Variants in C12orf76 observed in about 807,000 individuals in gnomAD.
The protein encoded by C12orf76 is uncharacterized protein C12orf76.
In C12orf76, 6 loss-of-function variants were observed where a neutral mutation model predicts 6.8. That is an observed-to-expected ratio of 0.88 (90% CI 0.48 to 1.73). The LOEUF is 1.73. C12orf76 is among the 40% of genes most tolerant of loss of function. The pLI, the probability that C12orf76 is intolerant of heterozygous loss-of-function variation, is 0.01. For synonymous variants in C12orf76, 56 were observed against 43.7 expected (o/e 1.28, Z -1.11); for missense variants, 99 against 98.2 (o/e 1.01, Z -0.03).
intron 3 of C12orf76, chr12:110,057,331 T>C (rs748968615): frequency 2.8e-6 from 4 of 1,442,296 alleles, no homozygotes; most frequent in Non-Finnish European, 2.9e-6. Flanking sequence ...ACCAAAGGGC[T>C]GAGCCTCCAA....
chr12:110,042,420 A>G lies in C12orf76; in HGVS notation c.173T>C (p.Val58Ala). The stretch of plus-strand genomic sequence containing the variant: ...GTAGACACAAAATGCCATAAGGATG[A>G]CAGTCACCAGCAGGATGCTGAAAAT... ...GTIFSILLVT[V>A]ILMAFCVYKP... The change falls in exon 2 of 2, where the codon GTC (valine) becomes GCC (alanine). Residue 58 changes from valine to alanine, a missense_variant. Val to Ala is a moderately conservative substitution (Grantham distance 64). Coordinates refer to ENST00000615315, the MANE Select transcript of C12orf76 (RefSeq NM_001389625.1). The G allele has an allele frequency of 6.2e-7, 1 of 1,614,176 alleles. No individual in the cohort carries two copies. Among genetic ancestry groups the G allele is most frequent in the African/African-American group, 1.3e-5 (1 of 75,068 alleles).
intron 2 of C12orf76, among the ~76,000 whole-genome samples, chr12:110,065,676 C>T (rs918905430): frequency 2.0e-5 from 3 of 152,138 alleles, no homozygotes; most frequent in South Asian, 2.1e-4. Flanking sequence ...GGTCCCTCAC[C>T]GTCATTCTGG....
upstream of C12orf76, among the ~76,000 whole-genome samples, chr12:110,068,255 A>AGAG (rs1491302034): frequency 7.2e-3 from 465 of 64,628 alleles, 10 homozygotes; most frequent in Non-Finnish European, 0.011. Flanking sequence ...AGAAAGAAGA[A>AGAG]GAAGAAGAAG....
chr12:110,067,887 G>C (rs1377769727), upstream of C12orf76, among the ~76,000 whole-genome samples: 1 of 151,740 alleles, frequency 6.6e-6, no homozygotes, highest in Non-Finnish European at 1.5e-5. Flanking sequence ...GAGAATGTAA[G>C]GATTTCATGC....
chr12:110,062,787 T>C (rs1443575052), intron 2 of C12orf76, among the ~76,000 whole-genome samples: 1 of 118,140 alleles, frequency 8.5e-6, no homozygotes, highest in Non-Finnish European at 1.7e-5. Context: ...GCCCAGCTAA[T>C]ATTTTTTTTT....
intron 1 of C12orf76, among the ~76,000 whole-genome samples, chr12:110,066,958 C>G (rs1021598560): frequency 3.9e-5 from 6 of 152,160 alleles, no homozygotes; most frequent in Non-Finnish European, 8.8e-5. Context: ...ACTATTGGCC[C>G]CAGTGGAGGC....
In C12orf76 at chr12:110,054,319, A is replaced by C. The variant is rs58649893; in HGVS notation, n.664+2870T>G. Among the ~76,000 whole-genome samples, 4 of 152,322 alleles carry C rather than the reference A, an allele frequency of 2.6e-5. No homozygotes were observed. The South Asian group carries it at 8.3e-4, about 32-fold the overall frequency. ...AATGTTCATCTATGGATGAATGGAT[A>C]GGCAAAATGTGGTCTATCCATTCAA... On this transcript the variant is annotated intron_variant and non_coding_transcript_variant, in intron 4 of 4. Transcript: ENST00000309050. The surrounding 1 kb of genome is among the most constrained non-coding windows in gnomAD (Gnocchi z 4.4).
At chr12:110,052,920 T>C (rs1228035766), upstream of C12orf76, among the ~76,000 whole-genome samples, 2 of 152,156 alleles carry the variant, frequency 1.3e-5, no homozygotes, top group African/African-American at 2.4e-5. Context: ...TAAAAGTTCA[T>C]GGCTGGGCGC....
At chr12:110,047,752 G>A (rs1892488020) in intron 1 of C12orf76, among the ~76,000 whole-genome samples, 1 of 152,200 alleles carries the variant, frequency 6.6e-6, no homozygotes, top group African/African-American at 2.4e-5. Flanking sequence ...ATGAATTCGC[G>A]TATACAAAGT....
intron 1 of C12orf76, among the ~76,000 whole-genome samples, chr12:110,046,926 CT>C (rs1292921229): frequency 6.6e-6 from 1 of 152,124 alleles, no homozygotes; most frequent in Non-Finnish European, 1.5e-5. Context: ...CCCTCGCCCC[CT>C]GAAATCATTT....
Position 110,045,340 on chromosome 12 carries a change from C to A in C12orf76, c.134-2881G>T, listed in dbSNP as rs1298487863. 3.3e-5 allele frequency among the ~76,000 whole-genome samples: 5 copies of A among 150,764 alleles called. No homozygotes were observed. In the South Asian group the frequency reaches 8.4e-4, roughly 25 times the overall value. ...GTGCGCAGCGGCTCAAGCCTGTAAT[C>A]CCAGTGAGAGGCCAAGGCGGGCGGA... On this transcript the variant is annotated intron_variant, in intron 1 of 1. Transcript: ENST00000615315.
At chr12:110,050,596 C>A, upstream of C12orf76, 1 of 195,536 alleles carries the variant, frequency 5.1e-6, no homozygotes, top group Non-Finnish European at 1.1e-5. Flanking sequence ...GCTACACTCC[C>A]AGCAGCGCCA....
At chr12:110,069,136 T>C (rs1033314154), upstream of C12orf76, among the ~76,000 whole-genome samples, 1 of 152,174 alleles carries the variant, frequency 6.6e-6, no homozygotes, top group African/African-American at 2.4e-5. Flanking sequence ...AAGACGGCAC[T>C]TCAGATAAAA....
In C12orf76 at chr12:110,062,643, AG is replaced by A. The variant is rs934159662; in HGVS notation, n.380+3216del. Among the ~76,000 whole-genome samples, 238 of 151,080 alleles carry A rather than the reference AG, an allele frequency of 1.6e-3. 1 individual carries two copies. Among genetic ancestry groups the A allele is most frequent in the Non-Finnish European group, 1.6e-3 (108 of 67,734 alleles). ...AAGAGATTTTTTTTTTTTTTGAGAC[AG>A]GGTCTCACTCTGTCGCCTAGGCTGG... On this transcript the variant is annotated intron_variant and non_coding_transcript_variant, in intron 2 of 4. Transcript: ENST00000309050.
upstream of C12orf76, among the ~76,000 whole-genome samples, chr12:110,072,253 C>A (rs1294637375): frequency 2.0e-4 from 30 of 149,172 alleles, no homozygotes; most frequent in Middle Eastern, 3.4e-3. Flanking sequence ...ATAGTGAGAC[C>A]CCAAATCTAA....
At chr12:110,047,428 C>T (rs1288244440) in intron 1 of C12orf76, among the ~76,000 whole-genome samples, 1 of 152,156 alleles carries the variant, frequency 6.6e-6, no homozygotes, top group Non-Finnish European at 1.5e-5. Context: ...GTGGCTCACA[C>T]TTGTAATCCC....
intron 2 of C12orf76, among the ~76,000 whole-genome samples, chr12:110,059,474 T>C (rs1475158924): frequency 3.3e-5 from 5 of 152,228 alleles, no homozygotes; most frequent in African/African-American, 7.2e-5. Context: ...ACTCAGGCTA[T>C]GCTCCTAACA....
upstream of C12orf76, among the ~76,000 whole-genome samples, chr12:110,068,844 C>T (rs1892925562): frequency 6.6e-6 from 1 of 152,206 alleles, no homozygotes. Flanking sequence ...CTATGGTCCA[C>T]ACCAGTACTA....
chr12:110,053,226 C>T (rs965884669), upstream of C12orf76, among the ~76,000 whole-genome samples: 12 of 151,310 alleles, frequency 7.9e-5, no homozygotes, highest in Middle Eastern at 3.4e-3. Context: ...AGACTGGGCA[C>T]GGTGGCTCAC....
Sources: gnomAD v4.1 joint callset for allele counts (sites outside exome capture counted in the v4.1 genomes callset) on GRCh38, gnomAD v4.1.1 for gene constraint, Gnocchi (gnomAD v3.1) non-coding constraint, MANE v1.5 for transcripts, NCBI Gene and HGNC (gene_info 2026-07-23, HGNC 2026-07-21) for gene names.